Variants in IL5RA observed in about 807,000 individuals in gnomAD.
IL5RA encodes the protein interleukin-5 receptor subunit alpha.
In IL5RA, 49 loss-of-function variants were observed where a neutral mutation model predicts 50.0. The observed-to-expected ratio is 0.98, with a 90% CI of 0.78 to 1.24. The LOEUF (loss-of-function observed/expected upper bound fraction) is 1.24. Among genes scored for constraint, IL5RA ranks in the 50% most tolerant of loss-of-function variants. The pLI is 0.00. For synonymous variants in IL5RA, 202 were observed against 174.0 expected (o/e 1.16, Z -1.26); for missense variants, 600 against 500.4 (o/e 1.20, Z -1.90).
chr3:3,073,858 C>A (rs1348284580), intron 11 of IL5RA: 2 of 437,144 alleles, frequency 4.6e-6, no homozygotes, highest in African/African-American at 4.1e-5. Context: ...TTTAAAAAAT[C>A]ACTTTTGGAG....
At position 3,079,756 on chromosome 3, in the gene IL5RA, C is replaced by T. The variant is rs562154620; in HGVS notation, c.995-3129G>A. Among the ~76,000 whole-genome samples, 46 of 152,258 alleles carry T rather than the reference C, an allele frequency of 3.0e-4. No individual in the cohort carries two copies. The South Asian group carries it at 9.3e-3, about 31-fold the overall frequency. On this transcript the variant is annotated intron_variant, in intron 9 of 11. Coordinates refer to ENST00000446632, the MANE Select transcript of IL5RA (RefSeq NM_175726.4). ...TTTAGAAAAGCAGTGCCTTTTTGGG[C>T]CGGGTGTGTTAGCTCATGCCTGTAA...
chr3:3,095,583 TG>T, intron 7 of IL5RA, 139 bp from the exon 8 acceptor site: 2 of 711,526 alleles, frequency 2.8e-6, no homozygotes, highest in Middle Eastern at 3.9e-4. Flanking sequence ...CTTAATCAAC[TG>T]ATCTCCAAGC....
intron 9 of IL5RA, among the ~76,000 whole-genome samples, chr3:3,088,200 G>T (rs151028058): frequency 6.6e-6 from 1 of 152,180 alleles, no homozygotes; most frequent in African/African-American, 2.4e-5. Context: ...TAAAATAAGC[G>T]CTCGTTATGG....
intron 9 of IL5RA, among the ~76,000 whole-genome samples, chr3:3,081,690 C>G (rs1702668889): frequency 6.6e-6 from 1 of 152,168 alleles, no homozygotes; most frequent in South Asian, 2.1e-4. Flanking sequence ...TTCACTTCAG[C>G]CCTCACTTTG....
intron 11 of IL5RA, among the ~76,000 whole-genome samples, chr3:3,071,047 A>C (rs1295456873): frequency 6.6e-6 from 1 of 152,212 alleles, no homozygotes; most frequent in Non-Finnish European, 1.5e-5. Flanking sequence ...CATTTTGGCT[A>C]TAATGAATAG....
At position 3,092,107 on chromosome 3, in the gene IL5RA, G is replaced by A. The variant is rs7647903; in HGVS notation, c.994+117C>T. On this transcript the variant is annotated intron_variant, in intron 9 of 11. Transcript: ENST00000446632. The surrounding 1 kb of genome is among the most constrained non-coding windows in gnomAD (Gnocchi z 4.2). ...AAGGCAGTAGACCGAGAGAAAATTAGTCACAATAGAGATATGAAACCATTT... is the reference window on the plus strand; with the variant it reads ...AAGGCAGTAGACCGAGAGAAAATTAATCACAATAGAGATATGAAACCATTT... The A allele has an allele frequency of 0.21, 302,784 of 1,465,754 alleles. 32,453 individuals carry two copies. The highest frequency in any genetic ancestry group is 0.22 in the Non-Finnish European group (247,295 of 1,113,898). The allele number at this position is 1,465,754 out of a possible 1,614,324, so 90.8% of individuals were successfully genotyped here.
At chr3:3,106,100 G>C (rs1434677028) in intron 2 of IL5RA, among the ~76,000 whole-genome samples, 1 of 152,166 alleles carries the variant, frequency 6.6e-6, no homozygotes, top group Non-Finnish European at 1.5e-5. Flanking sequence ...TCTGAAAGCT[G>C]AAATAATCTG....
At chr3:3,096,139 G>A (rs542689753) in intron 7 of IL5RA, among the ~76,000 whole-genome samples, 20 of 152,158 alleles carry the variant, frequency 1.3e-4, no homozygotes, top group South Asian at 1.0e-3. Context: ...TTAGCTGAGC[G>A]TGGTGGTGGG....
intron 5 of IL5RA, 28 bp from the exon 6 acceptor site, chr3:3,098,318 A>G: frequency 6.2e-7 from 1 of 1,604,138 alleles, no homozygotes; most frequent in South Asian, 1.1e-5. Context: ...AAAAGGACAA[A>G]ACATTGCCAT....
At position 3,110,283 on chromosome 3, in the gene IL5RA, C is replaced by G. The variant is rs1361421906; in HGVS notation, c.-484G>C. The G allele has an allele frequency of 3.9e-5, 6 of 152,200 alleles. No homozygotes were observed. The highest frequency in any genetic ancestry group is 1.4e-4 in the African/African-American group (6 of 41,420). 9.4% of individuals were successfully genotyped at this position (152,200 alleles called of 1,614,324 possible). ...CACTCTCTTTCAGAGTTGGTTTGCT[C>G]TCTTCAGGAGTGGGAATTAACTTTT... is the stretch of plus-strand genomic sequence containing the variant. On this transcript the variant is annotated 5_prime_UTR_variant, in exon 1 of 12. Transcript: ENST00000446632.
intron 9 of IL5RA, among the ~76,000 whole-genome samples, chr3:3,079,866 T>G (rs1289365583): frequency 2.6e-5 from 4 of 152,064 alleles, no homozygotes; most frequent in African/African-American, 4.8e-5. Flanking sequence ...AAAGCCCATC[T>G]CTTCTAAAAA....
intron 9 of IL5RA, among the ~76,000 whole-genome samples, chr3:3,089,444 G>A (rs554864904): frequency 6.6e-6 from 1 of 152,090 alleles, no homozygotes; most frequent in Non-Finnish European, 1.5e-5. Flanking sequence ...TGGGCTGATG[G>A]GTCACTGCCC....
chr3:3,098,391 C>CA, intron 5 of IL5RA, 101 bp from the exon 6 acceptor site: 1 of 989,188 alleles, frequency 1.0e-6, no homozygotes, highest in East Asian at 2.5e-5. Flanking sequence ...TATTCATCAC[C>CA]AAAAAATAAT....
At chr3:3,076,214 G>A (rs542029439) in intron 10 of IL5RA, among the ~76,000 whole-genome samples, 2 of 152,306 alleles carry the variant, frequency 1.3e-5, no homozygotes, top group African/African-American at 4.8e-5. Context: ...CAAGGACCGA[G>A]TGGAAGACTG....
At chr3:3,099,854 G>C (rs1703559158) in intron 5 of IL5RA, among the ~76,000 whole-genome samples, 1 of 151,922 alleles carries the variant, frequency 6.6e-6, no homozygotes, top group Admixed American at 6.6e-5. Context: ...ATATTTAGTA[G>C]AGACGGGGTT....
chr3:3,090,630 G>A lies in IL5RA; in HGVS notation c.994+1594C>T, dbSNP rs1297890330. 4.3e-4 allele frequency among the ~76,000 whole-genome samples: 63 copies of A among 145,136 alleles called. 1 individual carries two copies. The highest frequency in any genetic ancestry group is 4.5e-5 in the Non-Finnish European group (3 of 67,208). On this transcript the variant is annotated intron_variant, in intron 9 of 11. Coordinates refer to ENST00000446632, the MANE Select transcript of IL5RA (RefSeq NM_175726.4). ...TGCCCGGGCTGGAGTGCAGTGGTGC[G>A]ATCTCGGCTCACTGCAAGCTCCGCC...
intron 9 of IL5RA, among the ~76,000 whole-genome samples, chr3:3,091,242 G>A (rs1348922953): frequency 6.6e-6 from 1 of 152,144 alleles, no homozygotes; most frequent in Non-Finnish European, 1.5e-5. Context: ...TCAAAATTAG[G>A]TATGGGAAAA....
chr3:3,075,962 A>G (rs550176030), intron 10 of IL5RA, among the ~76,000 whole-genome samples: 2 of 152,308 alleles, frequency 1.3e-5, no homozygotes, highest in South Asian at 2.1e-4. Context: ...TAAGCCTCCT[A>G]AAAGGTCTTG....
chr3:3,077,003 A>T (rs1179710500), intron 9 of IL5RA, among the ~76,000 whole-genome samples: 2 of 152,210 alleles, frequency 1.3e-5, no homozygotes, highest in Non-Finnish European at 2.9e-5. Context: ...CCACAAAAAG[A>T]TAAGCCTATT....
Sources: allele counts gnomAD v4.1 joint callset (sites outside exome capture counted in the v4.1 genomes callset), GRCh38; gene constraint gnomAD v4.1.1; non-coding constraint Gnocchi (gnomAD v3.1); transcripts MANE v1.5; gene names NCBI Gene and HGNC (gene_info 2026-07-23, HGNC 2026-07-21).